CCDC149: variants seen among roughly 807,000 people sequenced by gnomAD.
The protein encoded by CCDC149 is coiled-coil domain containing 149.
Under a neutral mutation model 59.9 loss-of-function variants are expected in CCDC149, and 45 were observed. That is an observed-to-expected ratio of 0.75 (90% confidence interval 0.59 to 0.96). CCDC149 has a LOEUF of 0.96. Among genes scored for constraint, CCDC149 ranks in the 40% least tolerant of loss-of-function variants. The pLI is 0.00. For missense variants in CCDC149, 584 were observed against 664.7 expected (o/e 0.88, Z 1.33); for synonymous variants, 245 against 260.6 (o/e 0.94, Z 0.58).
At chr4:24,965,843 T>C (rs1400504385) in intron 1 of CCDC149, among the ~76,000 whole-genome samples, 2 of 152,218 alleles carry the variant, frequency 1.3e-5, no homozygotes, top group Admixed American at 1.3e-4. Flanking sequence ...CTCAGCAGGT[T>C]TGGAGTGCAG....
chr4:24,889,420 A>G (rs1267675975), intron 1 of CCDC149, among the ~76,000 whole-genome samples: 1 of 152,208 alleles, frequency 6.6e-6, no homozygotes, highest in Non-Finnish European at 1.5e-5. Flanking sequence ...AGGCTGATCC[A>G]ACCTTGTCTC....
At chr4:24,965,559 A>G (rs554228162) in intron 1 of CCDC149, among the ~76,000 whole-genome samples, 2 of 152,388 alleles carry the variant, frequency 1.3e-5, no homozygotes, top group Middle Eastern at 3.4e-3. Context: ...CAAAATTAAC[A>G]ATTAAATTAG....
chr4:24,861,875 A>C (rs537724441), intron 3 of CCDC149, among the ~76,000 whole-genome samples: 1 of 152,322 alleles, frequency 6.6e-6, no homozygotes, highest in Admixed American at 6.5e-5. Flanking sequence ...ACACCACCCT[A>C]AATGATGCCA....
chr4:24,862,856 G>A (rs1404756904), intron 3 of CCDC149, among the ~76,000 whole-genome samples: 1 of 151,838 alleles, frequency 6.6e-6, no homozygotes, highest in Non-Finnish European at 1.5e-5. Context: ...TTTTTTCTGT[G>A]AATTCCCATT....
Position 24,952,646 on chromosome 4 carries a change from T to C in CCDC149, c.-65+27423A>G, listed in dbSNP as rs1270681120. Among the ~76,000 whole-genome samples, 9 of 107,808 alleles carry C rather than the reference T, an allele frequency of 8.3e-5. 1 individual carries two copies. In the East Asian group the frequency reaches 2.4e-3, roughly 29 times the overall value. 70.7% of individuals were successfully genotyped at this position (107,808 alleles called of 152,430 possible). On this transcript the variant is annotated intron_variant, in intron 1 of 12. Transcript: ENST00000389609. The stretch of plus-strand genomic sequence containing the variant: ...AAAAAAATATATATATATATATATA[T>C]ATATATATATATATATATAGTGGTA...
chr4:24,878,016 T>C lies in CCDC149; in HGVS notation c.64-1319A>G, dbSNP rs116674823. Among the ~76,000 whole-genome samples the C allele has an allele frequency of 1.5e-3, 222 of 152,242 alleles. 2 individuals are homozygous for C. Among genetic ancestry groups the C allele is most frequent in the African/African-American group, 5.2e-3 (217 of 41,534 alleles). ...TATAGTTTCATTATACACTCTGACA[T>C]GAGTACTTTGTCATTATGGACGCTC... On this transcript the variant is annotated intron_variant, in intron 1 of 12. Transcript: ENST00000635206.
chr4:24,915,156 T>C (rs1722089183), upstream of CCDC149, among the ~76,000 whole-genome samples: 1 of 152,266 alleles, frequency 6.6e-6, no homozygotes, highest in Non-Finnish European at 1.5e-5. Context: ...TTGAGCTGAA[T>C]GTCTAGAGTT....
At chr4:24,864,897 A>C (rs1185471637) in intron 3 of CCDC149, among the ~76,000 whole-genome samples, 1 of 152,210 alleles carries the variant, frequency 6.6e-6, no homozygotes, top group Non-Finnish European at 1.5e-5. Context: ...TCTTGTATTC[A>C]CAGGTTCTGC....
intron 4 of CCDC149, among the ~76,000 whole-genome samples, chr4:24,844,324 C>T (rs1717127961): frequency 1.3e-5 from 2 of 152,200 alleles, no homozygotes; most frequent in Non-Finnish European, 1.5e-5. Flanking sequence ...AGCCTTCATT[C>T]TGTGCTCCCC....
Position 24,808,190 on chromosome 4 carries a change from T to C in CCDC149, c.*199A>G. ...CAGAAAAGAGATGACACTGAGAAGC[T>C]TGAGGACCTACATTTAATAAATCAA... On this transcript the variant is annotated 3_prime_UTR_variant, in exon 13 of 13. Coordinates refer to ENST00000635206, the MANE Select transcript of CCDC149 (RefSeq NM_001330643.2). The C allele has an allele frequency of 2.4e-6, 1 of 422,856 alleles. No homozygotes were observed. Among genetic ancestry groups the C allele is most frequent in the Non-Finnish European group, 4.1e-6 (1 of 244,630 alleles). 26.2% of individuals were successfully genotyped at this position (422,856 alleles called of 1,614,324 possible).
At chr4:24,964,881 A>G (rs1723748362) in intron 1 of CCDC149, among the ~76,000 whole-genome samples, 1 of 151,734 alleles carries the variant, frequency 6.6e-6, no homozygotes, top group Admixed American at 6.6e-5. Context: ...CAAAGACAGT[A>G]GGTTTCTCAT....
intron 12 of CCDC149, among the ~76,000 whole-genome samples, chr4:24,817,299 A>G (rs1271545465): frequency 2.6e-5 from 4 of 152,152 alleles, no homozygotes; most frequent in Non-Finnish European, 4.4e-5. Flanking sequence ...ACAGGGGGCC[A>G]TGGTGTTCCA....
At chr4:24,821,926 C>T (rs184706783) in intron 10 of CCDC149, among the ~76,000 whole-genome samples, 15 of 152,080 alleles carry the variant, frequency 9.9e-5, no homozygotes, top group African/African-American at 2.4e-4. Flanking sequence ...TAAGTAAAAA[C>T]GGGATGGGGG....
intron 3 of CCDC149, among the ~76,000 whole-genome samples, chr4:24,862,681 T>G (rs933274382): frequency 6.6e-6 from 1 of 152,224 alleles, no homozygotes; most frequent in Non-Finnish European, 1.5e-5. Context: ...GACACAATAT[T>G]CTTCATAAAC....
intron 1 of CCDC149, among the ~76,000 whole-genome samples, chr4:24,927,758 C>T (rs1307680908): frequency 6.6e-6 from 1 of 152,106 alleles, no homozygotes; most frequent in Non-Finnish European, 1.5e-5. Context: ...CTCTGGTTCT[C>T]TCTACACTCA....
chr4:24,915,750 A>G (rs1353447165), upstream of CCDC149, among the ~76,000 whole-genome samples: 4 of 152,276 alleles, frequency 2.6e-5, no homozygotes, highest in East Asian at 7.7e-4. Flanking sequence ...GCCAGCTCAA[A>G]CCTGCTTCGC....
At chr4:24,884,695 C>A (rs748740756) in intron 1 of CCDC149, among the ~76,000 whole-genome samples, 1 of 152,206 alleles carries the variant, frequency 6.6e-6, no homozygotes, top group African/African-American at 2.4e-5. Context: ...ATTACCTAGC[C>A]TCTCTGTGCC....
chr4:24,922,304 A>T (rs1722317239), intron 1 of CCDC149, among the ~76,000 whole-genome samples: 1 of 152,184 alleles, frequency 6.6e-6, no homozygotes, highest in South Asian at 2.1e-4. Flanking sequence ...TACATAAGTC[A>T]TCTAGAGAAT....
At chr4:24,962,529 T>C (rs1723663463) in intron 1 of CCDC149, among the ~76,000 whole-genome samples, 1 of 152,190 alleles carries the variant, frequency 6.6e-6, no homozygotes, top group Non-Finnish European at 1.5e-5. Flanking sequence ...GTGGCACATA[T>C]ACACCATGGA....
Sources: allele counts gnomAD v4.1 joint callset (sites outside exome capture counted in the v4.1 genomes callset), GRCh38; gene constraint gnomAD v4.1.1; transcripts MANE v1.5; gene names NCBI Gene and HGNC (gene_info 2026-07-23, HGNC 2026-07-21).